Variants in CDH8 observed in about 807,000 individuals in gnomAD.
The protein encoded by CDH8 is cadherin 8, also known as cadherin-8.
In CDH8, 17 loss-of-function variants were observed where a neutral mutation model predicts 68.1. The ratio of observed to expected loss-of-function variants is 0.25; its 90% CI spans 0.17 to 0.37. The LOEUF (loss-of-function observed/expected upper bound fraction) is 0.37, where lower values mean the gene tolerates loss of function less well. Among genes scored for constraint, CDH8 ranks in the 10% least tolerant of loss-of-function variants. The probability of loss-of-function intolerance (pLI) is 1.00; values close to 1 mark genes in which losing one functional copy is unlikely to be tolerated. For synonymous variants in CDH8, 372 were observed against 365.1 expected (o/e 1.02, Z -0.21); for missense variants, 763 against 999.3 (o/e 0.76, Z 3.19).
chr16:61,934,726 T>C (rs1184120345), intron 2 of CDH8, among the ~76,000 whole-genome samples: 1 of 152,164 alleles, frequency 6.6e-6, no homozygotes, highest in African/African-American at 2.4e-5. Flanking sequence ...TTTGTATCTC[T>C]GGCACTGGGC....
At chr16:61,664,724 C>T (rs973975659) in intron 10 of CDH8, among the ~76,000 whole-genome samples, 2 of 151,954 alleles carry the variant, frequency 1.3e-5, no homozygotes, top group African/African-American at 2.4e-5. Flanking sequence ...AAAAATCCAA[C>T]TTTTATTAAA....
rs981744063 is a variant in CDH8, at chr16:61,877,788, G to A, written c.548-20550C>T. Among the ~76,000 whole-genome samples the A allele has an allele frequency of 3.9e-5, 6 of 152,034 alleles. 1 individual carries two copies. Among genetic ancestry groups the A allele is most frequent in the Non-Finnish European group, 7.4e-5 (5 of 67,980 alleles). On this transcript the variant is annotated intron_variant, in intron 3 of 11. Coordinates refer to ENST00000577390, the MANE Select transcript of CDH8 (RefSeq NM_001796.5). The stretch of plus-strand genomic sequence containing the variant: ...AGAGAAAAAGAGAAAATGAATGCAC[G>A]GGGGAAAAATATTAGAGAATTTTGC...
At chr16:61,921,954 C>T (rs1179047264) in intron 2 of CDH8, among the ~76,000 whole-genome samples, 1 of 152,080 alleles carries the variant, frequency 6.6e-6, no homozygotes, top group Non-Finnish European at 1.5e-5. Context: ...TTGCTTGAAC[C>T]CAGGAGGCGA....
intron 2 of CDH8, among the ~76,000 whole-genome samples, chr16:61,941,346 A>C (rs1382433239): frequency 6.6e-6 from 1 of 152,218 alleles, no homozygotes; most frequent in African/African-American, 2.4e-5. Context: ...GATTTGAATT[A>C]TAATAATGAA....
intron 2 of CDH8, among the ~76,000 whole-genome samples, chr16:61,948,302 A>T (rs534051797): frequency 1.1e-4 from 17 of 152,268 alleles, no homozygotes; most frequent in African/African-American, 3.6e-4. Flanking sequence ...GGTATATTTT[A>T]AAAAATATAT....
At chr16:61,798,158 A>G (rs1961540694) in intron 7 of CDH8, among the ~76,000 whole-genome samples, 1 of 152,226 alleles carries the variant, frequency 6.6e-6, no homozygotes, top group African/African-American at 2.4e-5. Flanking sequence ...GTGCATTATG[A>G]GAATTCTAAA....
intron 6 of CDH8, among the ~76,000 whole-genome samples, chr16:61,819,391 A>G (rs539018193): frequency 8.5e-5 from 13 of 152,196 alleles, no homozygotes; most frequent in Admixed American, 4.6e-4. Context: ...GGCAAAAAAA[A>G]TGGGAATAAT....
At chr16:61,790,912 G>C (rs1448589979) in intron 7 of CDH8, among the ~76,000 whole-genome samples, 6 of 151,548 alleles carry the variant, frequency 4.0e-5, no homozygotes, top group Admixed American at 1.3e-4. Context: ...TCTCATTTTA[G>C]CTATTTCTTT....
chr16:61,768,310 C>CTGTGT (rs1567461035), intron 8 of CDH8, among the ~76,000 whole-genome samples: 1 of 99,876 alleles, frequency 1.0e-5, no homozygotes, highest in African/African-American at 4.3e-5. Context: ...CTGTGTCTCT[C>CTGTGT]CCTTTCTCTC....
intron 10 of CDH8, among the ~76,000 whole-genome samples, chr16:61,710,285 TA>T (rs1367118650): frequency 6.6e-6 from 1 of 151,974 alleles, no homozygotes; most frequent in African/African-American, 2.4e-5. Flanking sequence ...TAAAAATAAA[TA>T]AACTGTATAC....
chr16:61,954,307 G>T (rs1964948394), intron 2 of CDH8, among the ~76,000 whole-genome samples: 1 of 152,156 alleles, frequency 6.6e-6, no homozygotes, highest in Middle Eastern at 3.4e-3. Flanking sequence ...CCTATTGAGG[G>T]TTTCACATCA....
Position 61,960,321 on chromosome 16 carries a change from G to GTGTGTGTGTATACACACATATATACA in CDH8, c.253-58874_253-58849dup, listed in dbSNP as rs1567546500. Reference sequence around the variant, plus strand: ...TGTGTGTGTATACACACATATATACGTGTGTGTGTATACACACATATATAC... The same window carrying GTGTGTGTGTATACACACATATATACA: ...TGTGTGTGTATACACACATATATACGTGTGTGTGTATACACACATATATACATGTGTGTGTATACACACATATATAC... On this transcript the variant is annotated intron_variant, in intron 2 of 11. Coordinates refer to ENST00000577390, the MANE Select transcript of CDH8 (RefSeq NM_001796.5). Among the ~76,000 whole-genome samples the GTGTGTGTGTATACACACATATATACA allele has an allele frequency of 1.0e-3, 47 of 46,674 alleles. 10 individuals carry two copies. In the South Asian group the frequency reaches 0.013, roughly 13 times the overall value. The allele number at this position is 46,674 out of a possible 152,430, so 30.6% of individuals were successfully genotyped here.
intron 2 of CDH8, among the ~76,000 whole-genome samples, chr16:61,979,956 T>C (rs973661287): frequency 6.6e-6 from 1 of 152,128 alleles, no homozygotes; most frequent in African/African-American, 2.4e-5. Flanking sequence ...AGTACTACTG[T>C]ATAAGAATTT....
chr16:61,865,851 T>A (rs1414492158), intron 3 of CDH8, among the ~76,000 whole-genome samples: 1 of 152,176 alleles, frequency 6.6e-6, no homozygotes, highest in East Asian at 1.9e-4. Flanking sequence ...CTGGCAGCTA[T>A]CGATATCCAT....
At chr16:61,658,223 C>G (rs577688927) in intron 10 of CDH8, among the ~76,000 whole-genome samples, 8 of 151,974 alleles carry the variant, frequency 5.3e-5, no homozygotes, top group African/African-American at 1.9e-4. Flanking sequence ...TCACAAAGCT[C>G]TAATTACTGT....
At chr16:61,949,089 C>A (rs965038193) in intron 2 of CDH8, among the ~76,000 whole-genome samples, 1 of 152,228 alleles carries the variant, frequency 6.6e-6, no homozygotes, top group East Asian at 1.9e-4. Context: ...ATTTAAATAA[C>A]TCATGAGTCT....
intron 1 of CDH8, among the ~76,000 whole-genome samples, chr16:62,022,890 A>G (rs182660472): frequency 9.9e-5 from 15 of 152,148 alleles, no homozygotes; most frequent in Non-Finnish European, 1.9e-4. Flanking sequence ...GCCTGGGCTC[A>G]GCTCAATCAC....
intron 3 of CDH8, among the ~76,000 whole-genome samples, chr16:61,896,828 C>T (rs773390206): frequency 1.5e-4 from 23 of 152,038 alleles, no homozygotes; most frequent in Non-Finnish European, 1.9e-4. Flanking sequence ...TACTTTTTGG[C>T]ATACCTTTAC....
chr16:61,677,538 A>C (rs1476547037), intron 10 of CDH8, among the ~76,000 whole-genome samples: 2 of 151,878 alleles, frequency 1.3e-5, no homozygotes, highest in Non-Finnish European at 1.5e-5. Context: ...TACTTTATAC[A>C]GTCAGAAAAT....
Sources: allele counts gnomAD v4.1 joint callset (sites outside exome capture counted in the v4.1 genomes callset), GRCh38; gene constraint gnomAD v4.1.1; transcripts MANE v1.5; gene names NCBI Gene and HGNC (gene_info 2026-07-23, HGNC 2026-07-21).